The following ARHGEF3 variants were observed in gnomAD, a reference collection of about 807,000 sequenced individuals.
ARHGEF3 encodes 59.8 kDA protein.
A neutral mutation model predicts 63.2 loss-of-function variants in ARHGEF3; 28 were observed. That is an observed-to-expected ratio of 0.44 (90% CI 0.33 to 0.61). ARHGEF3 has a LOEUF of 0.61. Ranked by LOEUF, ARHGEF3 falls within the 20% of genes least tolerant of loss-of-function variation. The pLI, the probability that ARHGEF3 is intolerant of heterozygous loss-of-function variation, is 0.03. For synonymous variants in ARHGEF3, 266 were observed against 254.2 expected (o/e 1.05, Z -0.44); for missense variants, 533 against 659.3 (o/e 0.81, Z 2.10).
intron 3 of ARHGEF3, among the ~76,000 whole-genome samples, chr3:56,886,775 G>T (rs2040939041): frequency 6.6e-6 from 1 of 152,144 alleles, no homozygotes; most frequent in Non-Finnish European, 1.5e-5. Flanking sequence ...GGTGGATAAT[G>T]GTTATCATCT....
chr3:56,865,544 G>A (rs2040218228), intron 4 of ARHGEF3, among the ~76,000 whole-genome samples: 1 of 152,150 alleles, frequency 6.6e-6, no homozygotes, highest in Admixed American at 6.5e-5. Flanking sequence ...TCCAAACCAT[G>A]TTAAAAAATA....
At chr3:56,843,536 G>C (rs1430740347) in intron 4 of ARHGEF3, among the ~76,000 whole-genome samples, 1 of 152,064 alleles carries the variant, frequency 6.6e-6, no homozygotes, top group Non-Finnish European at 1.5e-5. Context: ...CAAAGTGCTA[G>C]GATCACAGGT....
At chr3:57,044,988 C>T (rs988975198) in intron 1 of ARHGEF3, among the ~76,000 whole-genome samples, 11 of 152,132 alleles carry the variant, frequency 7.2e-5, no homozygotes, top group African/African-American at 2.4e-4. Context: ...AACTATTGGC[C>T]GGACGTGGTG....
At chr3:56,786,769 C>G (rs560878215) in intron 1 of ARHGEF3, among the ~76,000 whole-genome samples, 2 of 152,218 alleles carry the variant, frequency 1.3e-5, no homozygotes, top group East Asian at 3.9e-4. Context: ...AGCTCAGAGA[C>G]TCAGCTCTGC....
At chr3:56,775,798 A>C in intron 1 of ARHGEF3, 1 of 286,556 alleles carries the variant, frequency 3.5e-6, no homozygotes, top group Non-Finnish European at 4.5e-6. Flanking sequence ...ACACACGCGC[A>C]AGCACACACA....
intron 4 of ARHGEF3, among the ~76,000 whole-genome samples, chr3:56,814,674 T>A (rs867367383): frequency 1.3e-5 from 2 of 152,052 alleles, no homozygotes; most frequent in South Asian, 2.1e-4. Flanking sequence ...CCTTTTTTTT[T>A]AAATGAATTA....
At chr3:56,947,181 T>C (rs1192922424) in intron 3 of ARHGEF3, among the ~76,000 whole-genome samples, 1 of 152,064 alleles carries the variant, frequency 6.6e-6, no homozygotes, top group Non-Finnish European at 1.5e-5. Flanking sequence ...ACATGCCAAA[T>C]TGTAAAGACC....
At chr3:56,972,542 G>A (rs754562090) in intron 2 of ARHGEF3, among the ~76,000 whole-genome samples, 4 of 152,042 alleles carry the variant, frequency 2.6e-5, no homozygotes, top group African/African-American at 4.8e-5. Context: ...GTAGGGGATC[G>A]GGGGTGGTGG....
intron 4 of ARHGEF3, among the ~76,000 whole-genome samples, chr3:56,861,706 T>C (rs571153222): frequency 9.2e-5 from 14 of 152,222 alleles, no homozygotes; most frequent in African/African-American, 3.4e-4. Context: ...CTCAGGAGGC[T>C]GTTCAGGGCC....
At chr3:57,014,498 T>C (rs962568500) in intron 2 of ARHGEF3, among the ~76,000 whole-genome samples, 4 of 152,130 alleles carry the variant, frequency 2.6e-5, no homozygotes, top group Non-Finnish European at 5.9e-5. Flanking sequence ...ACTGTGCATA[T>C]GCGTACCAAT....
At chr3:56,833,917 T>TC (rs144162271) in intron 4 of ARHGEF3, among the ~76,000 whole-genome samples, 54,429 of 147,022 alleles carry the variant, frequency 0.37, 10,838 homozygotes, top group South Asian at 0.6. Flanking sequence ...ATTCTTTGTT[T>TC]TCCCCCCCCA....
chr3:56,990,452 C>T (rs1041037855), intron 2 of ARHGEF3, among the ~76,000 whole-genome samples: 50 of 152,246 alleles, frequency 3.3e-4, no homozygotes, highest in African/African-American at 1.2e-3. Context: ...GGCGTGGTGA[C>T]GTGCACGTGT....
At chr3:57,076,271 C>T (rs935659203) in intron 1 of ARHGEF3, among the ~76,000 whole-genome samples, 16 of 152,124 alleles carry the variant, frequency 1.1e-4, no homozygotes, top group African/African-American at 3.9e-4. Flanking sequence ...TGGCAATGGC[C>T]TTTCTGCTTC....
intron 2 of ARHGEF3, among the ~76,000 whole-genome samples, chr3:56,967,174 A>T (rs1248454152): frequency 7.0e-6 from 1 of 142,986 alleles, no homozygotes. Context: ...TTTTTTTTTT[A>T]AATACAGCAT....
At chr3:56,955,181 C>CTTTTTTTTTTTTTTT (rs56851084) in intron 3 of ARHGEF3, among the ~76,000 whole-genome samples, 1 of 143,216 alleles carries the variant, frequency 7.0e-6, no homozygotes. Flanking sequence ...GATCCTTTTT[C>CTTTTTTTTTTTTTTT]TTTTTTTTTT....
intron 6 of ARHGEF3, among the ~76,000 whole-genome samples, chr3:56,746,891 T>C (rs1345294387): frequency 1.3e-5 from 2 of 152,212 alleles, no homozygotes; most frequent in African/African-American, 2.4e-5. Flanking sequence ...AAGCTTACTA[T>C]TGAGCTTAAC....
chr3:56,892,485 TTA>T (rs2041157703), intron 3 of ARHGEF3, among the ~76,000 whole-genome samples: 1 of 152,214 alleles, frequency 6.6e-6, no homozygotes, highest in African/African-American at 2.4e-5. Flanking sequence ...TGGCCCTCCT[TTA>T]TATGTTTATT....
rs140396722 is a variant in ARHGEF3, at chr3:56,871,283, A to G, written c.192+11009T>C. On this transcript the variant is annotated intron_variant, in intron 4 of 12. Transcript: ENST00000338458. Reference sequence around the variant, plus strand: ...GAAAGATATGACATTTTACCCCTAAACACTTCCATATTCATCTCTAAAAAA... The same window carrying G: ...GAAAGATATGACATTTTACCCCTAAGCACTTCCATATTCATCTCTAAAAAA... 9.9e-5 allele frequency among the ~76,000 whole-genome samples: 15 copies of G among 152,210 alleles called. No homozygotes were observed. In the East Asian group the frequency reaches 2.9e-3, roughly 29 times the overall value.
chr3:57,008,975 A>G (rs1247168597), intron 2 of ARHGEF3, among the ~76,000 whole-genome samples: 2 of 152,234 alleles, frequency 1.3e-5, no homozygotes, highest in Non-Finnish European at 1.5e-5. Flanking sequence ...TAAGATTCCA[A>G]TTTCTACATG....
Sources: allele counts gnomAD v4.1 joint callset (sites outside exome capture counted in the v4.1 genomes callset), GRCh38; gene constraint gnomAD v4.1.1; transcripts MANE v1.5; gene names NCBI Gene and HGNC (gene_info 2026-07-23, HGNC 2026-07-21).